The following CREB5 variants were observed in gnomAD, a reference collection of about 807,000 sequenced individuals.
CREB5 encodes the protein cyclic AMP-responsive element-binding protein 5.
In CREB5, 19 loss-of-function variants were observed where a neutral mutation model predicts 57.1. The ratio of observed to expected loss-of-function variants is 0.33; its 90% CI spans 0.23 to 0.49. The LOEUF is 0.49. CREB5 is among the 20% of genes least tolerant of loss of function. The pLI is 0.99. For synonymous variants in CREB5, 238 were observed against 238.3 expected, an observed-to-expected ratio of 1.00 and a Z score of 0.01; for missense variants, 579 against 671.6, an observed-to-expected ratio of 0.86 and a Z score of 1.52.
intron 5 of CREB5, among the ~76,000 whole-genome samples, chr7:28,706,121 G>A (rs768900422): frequency 7.2e-5 from 11 of 152,218 alleles, no homozygotes; most frequent in Non-Finnish European, 1.3e-4. Context: ...TTGGGAGGCC[G>A]AGGCGGGTAG....
chr7:28,632,983 G>A (rs1356586478), intron 5 of CREB5, among the ~76,000 whole-genome samples: 3 of 152,164 alleles, frequency 2.0e-5, no homozygotes, highest in Admixed American at 1.3e-4. Context: ...AAAGATGAAT[G>A]TTTGAATAGA....
chr7:28,357,062 CT>C (rs1282509739), intron 1 of CREB5, among the ~76,000 whole-genome samples: 38 of 151,892 alleles, frequency 2.5e-4, no homozygotes, highest in Non-Finnish European at 5.0e-4. Flanking sequence ...TTTCCTCTTT[CT>C]TTTTTCCCTG....
At chr7:28,708,201 T>C (rs7799246) in intron 5 of CREB5, among the ~76,000 whole-genome samples, 25,390 of 152,202 alleles carry the variant, frequency 0.17, 2,516 homozygotes, top group Middle Eastern at 0.24. Flanking sequence ...CCTTGGAGAA[T>C]AAGTGATCCT....
At chr7:28,645,144 A>G (rs1798841496) in intron 5 of CREB5, among the ~76,000 whole-genome samples, 1 of 152,196 alleles carries the variant, frequency 6.6e-6, no homozygotes, top group Non-Finnish European at 1.5e-5. Context: ...AATAAAGAAT[A>G]AGCCTAGAAC....
chr7:28,449,784 C>T (rs530808202), intron 1 of CREB5, among the ~76,000 whole-genome samples: 3 of 152,318 alleles, frequency 2.0e-5, no homozygotes, highest in African/African-American at 7.2e-5. Context: ...AATTGGTTAA[C>T]TTTTTAAAAA....
chr7:28,623,128 C>T (rs1797867019), intron 5 of CREB5, among the ~76,000 whole-genome samples: 2 of 152,166 alleles, frequency 1.3e-5, no homozygotes, highest in Admixed American at 6.5e-5. Flanking sequence ...GGTGATCCAG[C>T]TGCCTCAGCC....
intron 5 of CREB5, among the ~76,000 whole-genome samples, chr7:28,713,716 A>G (rs911592329): frequency 6.6e-6 from 1 of 152,176 alleles, no homozygotes; most frequent in African/African-American, 2.4e-5. Context: ...TCCGAATTTT[A>G]GAGCTTCAAG....
intron 4 of CREB5, among the ~76,000 whole-genome samples, chr7:28,531,513 C>T (rs184712094): frequency 6.6e-6 from 1 of 152,248 alleles, no homozygotes; most frequent in East Asian, 1.9e-4. Flanking sequence ...TGGGAGCCTA[C>T]CCTCCTCCGG....
At chr7:28,357,771 G>C (rs538496691) in intron 1 of CREB5, among the ~76,000 whole-genome samples, 1 of 152,224 alleles carries the variant, frequency 6.6e-6, no homozygotes, top group African/African-American at 2.4e-5. Flanking sequence ...TAACTGTGGA[G>C]GCAAATGCTT....
intron 1 of CREB5, among the ~76,000 whole-genome samples, chr7:28,458,568 GC>G (rs1175784835): frequency 6.6e-6 from 1 of 152,198 alleles, no homozygotes; most frequent in African/African-American, 2.4e-5. Context: ...GCAGGAAAGG[GC>G]TGTGTCAAGA....
At chr7:28,542,387 G>A (rs570148311) in intron 4 of CREB5, among the ~76,000 whole-genome samples, 2 of 152,210 alleles carry the variant, frequency 1.3e-5, no homozygotes, top group Non-Finnish European at 2.9e-5. Context: ...GGCAGGGGCA[G>A]AGGGAAACAA....
intron 5 of CREB5, among the ~76,000 whole-genome samples, chr7:28,696,867 T>C (rs1801599728): frequency 6.6e-6 from 1 of 151,960 alleles, no homozygotes; most frequent in South Asian, 2.1e-4. Flanking sequence ...TATGTGTGTA[T>C]GTAATGTGTA....
At chr7:28,403,762 AG>A (rs770457079) in intron 1 of CREB5, among the ~76,000 whole-genome samples, 16 of 152,230 alleles carry the variant, frequency 1.1e-4, no homozygotes, top group Non-Finnish European at 1.8e-4. Context: ...CTGAAAATGC[AG>A]GGCCTCTTGT....
At chr7:28,492,817 T>C (rs76674510) in intron 2 of CREB5, among the ~76,000 whole-genome samples, 1,799 of 151,138 alleles carry the variant, frequency 0.012, 25 homozygotes, top group African/African-American at 0.041. Flanking sequence ...AAACAAAAAT[T>C]ATAATTAGTT....
At chr7:28,373,649 C>T (rs768640974) in intron 1 of CREB5, among the ~76,000 whole-genome samples, 1 of 151,804 alleles carries the variant, frequency 6.6e-6, no homozygotes, top group Non-Finnish European at 1.5e-5. Context: ...TGGTCTCCAA[C>T]TCCTGGGCTC....
chr7:28,667,944 GA>G (rs1351520543), intron 5 of CREB5, among the ~76,000 whole-genome samples: 2 of 152,240 alleles, frequency 1.3e-5, no homozygotes, highest in East Asian at 3.9e-4. Flanking sequence ...TACATTATGT[GA>G]GACAATTTAA....
At chr7:28,749,340 G>A (rs1202895856) in intron 7 of CREB5, 4 of 152,240 alleles carry the variant, frequency 2.6e-5, no homozygotes, top group African/African-American at 9.7e-5. Flanking sequence ...GTGGGGAAAG[G>A]GCACACCGCC....
At chr7:28,338,044 G>T (rs1033112088) in intron 1 of CREB5, among the ~76,000 whole-genome samples, 4 of 151,904 alleles carry the variant, frequency 2.6e-5, no homozygotes, top group African/African-American at 9.7e-5. Context: ...ACTTTATGTT[G>T]TTTCTATTTT....
At chr7:28,469,950 G>A (rs1790740824) in intron 1 of CREB5, among the ~76,000 whole-genome samples, 1 of 152,116 alleles carries the variant, frequency 6.6e-6, no homozygotes, top group African/African-American at 2.4e-5. Flanking sequence ...TGAGTACATA[G>A]TAAGTATATA....
Sources: gnomAD v4.1 joint callset for allele counts (sites outside exome capture counted in the v4.1 genomes callset) on GRCh38, gnomAD v4.1.1 for gene constraint, MANE v1.5 for transcripts, NCBI Gene and HGNC (gene_info 2026-07-23, HGNC 2026-07-21) for gene names.